Variants in TSC22D2 observed in about 807,000 individuals in gnomAD.
TSC22D2 encodes the protein TSC22 domain family protein 2.
A neutral mutation model predicts 50.1 loss-of-function variants in TSC22D2; 5 were observed. The observed-to-expected ratio is 0.10, with a 90% CI of 0.05 to 0.21. TSC22D2 has a LOEUF of 0.21. TSC22D2 is among the 10% of genes least tolerant of loss of function. The pLI is 1.00. For synonymous variants in TSC22D2, 501 were observed against 450.1 expected, an observed-to-expected ratio of 1.11 and a Z score of -1.43; for missense variants, 1,003 against 1,015.5, an observed-to-expected ratio of 0.99 and a Z score of 0.17.
At chr3:150,422,556 A>G (rs777941130) in intron 1 of TSC22D2, among the ~76,000 whole-genome samples, 1 of 152,240 alleles carries the variant, frequency 6.6e-6, no homozygotes, top group African/African-American at 2.4e-5. Context: ...TGTCAAGTCC[A>G]ACCCAGGAAA....
In TSC22D2 at chr3:150,408,931, C is replaced by A; in HGVS notation, c.-420C>A. On this transcript the variant is annotated 5_prime_UTR_variant, in exon 1 of 3. Transcript: ENST00000688009. ...CCGCCTCCTCCTCCTCCTCTTCGCC[C>A]TCCCACTCCCACCCCCAGCCAAGGC... The A allele has an allele frequency of 5.9e-6, 1 of 170,922 alleles. No individual in the cohort carries two copies. Among genetic ancestry groups the A allele is most frequent in the South Asian group, 1.3e-4 (1 of 7,474 alleles). The allele number at this position is 170,922 out of a possible 1,614,324, so 10.6% of individuals were successfully genotyped here.
chr3:150,432,075 G>T (rs1340426360), intron 1 of TSC22D2, among the ~76,000 whole-genome samples: 3 of 152,116 alleles, frequency 2.0e-5, no homozygotes, highest in African/African-American at 7.2e-5. Context: ...ATTCGAAGTG[G>T]TGTTTCACTG....
At position 150,410,340 on chromosome 3, in the gene TSC22D2, C is replaced by T. The variant is rs754768040; in HGVS notation, c.990C>T (p.Thr330=). The change falls in exon 1 of 3, where the codon ACC becomes ACT. Residue 330 remains threonine (T), a synonymous_variant. Transcript: ENST00000688009. The part of the protein sequence containing the change: ...GGQTLPPTNV[T]LAQPAMSLPP... ...AGACTCTGCCGCCGACGAATGTAAC[C>T]CTGGCGCAGCCGGCTATGTCCCTGC... is the stretch of plus-strand genomic sequence containing the variant. 2 of 1,591,200 alleles carry T rather than the reference C, an allele frequency of 1.3e-6. No homozygotes were observed. Among genetic ancestry groups the T allele is most frequent in the Admixed American group, 3.4e-5 (2 of 58,048 alleles).
Position 150,410,538 on chromosome 3 carries a change from C to G in TSC22D2, c.1188C>G (p.Pro396=). 6.4e-7 allele frequency: 1 copy of G among 1,567,616 alleles called. No individual in the cohort carries two copies. The highest frequency in any genetic ancestry group is 8.6e-7 in the Non-Finnish European group (1 of 1,158,092). The part of the protein sequence containing the change: ...AGLQPPSPAQ[P]SSTGAAASPA... The stretch of plus-strand genomic sequence containing the variant: ...TGCAGCCGCCAAGCCCCGCGCAGCC[C>G]TCGTCCACCGGCGCCGCAGCGAGCC... The change falls in exon 1 of 3, where the codon CCC becomes CCG. Residue 396 remains proline, a synonymous_variant. Transcript: ENST00000688009.
chr3:150,449,397 C>T (rs1285574734), intron 1 of TSC22D2, among the ~76,000 whole-genome samples: 2 of 152,130 alleles, frequency 1.3e-5, no homozygotes, highest in East Asian at 3.9e-4. Context: ...ATCTGCCTGC[C>T]TTCCCAAACA....
intron 1 of TSC22D2, among the ~76,000 whole-genome samples, chr3:150,426,807 T>TA (rs1425028389): frequency 6.6e-6 from 1 of 152,166 alleles, no homozygotes; most frequent in Admixed American, 6.5e-5. Flanking sequence ...AAGTTTATCC[T>TA]AAATTTTTTT....
Position 150,409,539 on chromosome 3 carries a change from C to T in TSC22D2, c.189C>T (p.Cys63=), listed in dbSNP as rs759573201. Residue 63 remains cysteine (C), a synonymous_variant, in exon 1 of 3, where the codon TGC becomes TGT. Coordinates refer to ENST00000688009, the MANE Select transcript of TSC22D2 (RefSeq NM_001303264.2). The surrounding 1 kb of genome is among the most constrained non-coding windows in gnomAD (Gnocchi z 7.4). ...RATDYGPEEV[C]ERSSSEETLN... ...CGGATTATGGCCCTGAGGAGGTCTG[C>T]GAGCGCAGCTCTTCCGAAGAGACGC... 6.2e-6 allele frequency: 10 copies of T among 1,606,204 alleles called. No homozygotes were observed. Among genetic ancestry groups the T allele is most frequent in the Non-Finnish European group, 7.7e-6 (9 of 1,173,982 alleles).
chr3:150,415,767 A>G (rs2108062791), intron 1 of TSC22D2, among the ~76,000 whole-genome samples: 1 of 152,328 alleles, frequency 6.6e-6, no homozygotes, highest in East Asian at 1.9e-4. Flanking sequence ...AGTGAGCTAT[A>G]TTATAATATT....
intron 1 of TSC22D2, among the ~76,000 whole-genome samples, chr3:150,441,242 A>G (rs762265480): frequency 6.6e-6 from 1 of 152,060 alleles, no homozygotes; most frequent in African/African-American, 2.4e-5. Context: ...TGGAATACAT[A>G]TATATTAATA....
intron 1 of TSC22D2, among the ~76,000 whole-genome samples, chr3:150,436,084 T>A (rs549262455): frequency 1.3e-5 from 2 of 152,302 alleles, no homozygotes; most frequent in East Asian, 3.9e-4. Context: ...TGACTTAAAC[T>A]CTTGAAATAT....
In TSC22D2 at chr3:150,410,769, C is replaced by T; in HGVS notation, c.1419C>T (p.Ala473=). ...GGVVQPCLGP[A]GAGQPQSVPP... The stretch of plus-strand genomic sequence containing the variant: ...TGGTGCAGCCGTGCCTCGGTCCTGC[C>T]GGGGCTGGGCAGCCCCAGTCCGTGC... Residue 473 remains alanine (A), a synonymous_variant, in exon 1 of 3, where the codon GCC becomes GCT. Transcript: ENST00000688009. 3.7e-6 allele frequency: 6 copies of T among 1,610,704 alleles called. No homozygotes were observed. Among genetic ancestry groups the T allele is most frequent in the Non-Finnish European group, 5.1e-6 (6 of 1,178,876 alleles).
chr3:150,410,970 G>T lies in TSC22D2; in HGVS notation c.1620G>T (p.Gln540His). ...CCGCGCCTCTGGCCCAGTCGCAACA[G>T]CTGAGCAGCCATACGCCAGTCAGCA... ...NVPAPLAQSQ[Q>H]LSSHTPVSRS... The change falls in exon 1 of 3, where the codon CAG (glutamine) becomes CAT (histidine). Residue 540 changes from glutamine (Q) to histidine (H), a missense_variant. Around this residue, in one of 6 missense-constraint regions of TSC22D2, gnomAD observed 696 missense variants for 647.8 expected, o/e 1.07. Transcript: ENST00000688009. The T allele has an allele frequency of 1.2e-6, 2 of 1,614,202 alleles. No individual in the cohort carries two copies. The highest frequency in any genetic ancestry group is 1.7e-6 in the Non-Finnish European group (2 of 1,180,042).
intron 1 of TSC22D2, among the ~76,000 whole-genome samples, chr3:150,454,978 C>T (rs1721142718): frequency 6.6e-6 from 1 of 151,776 alleles, no homozygotes; most frequent in Admixed American, 6.6e-5. Flanking sequence ...AAAAAAAAAC[C>T]CCAGTAATTT....
chr3:150,413,348 A>G (rs1719662657), intron 1 of TSC22D2, among the ~76,000 whole-genome samples: 1 of 152,160 alleles, frequency 6.6e-6, no homozygotes, highest in Admixed American at 6.5e-5. Context: ...TATTTTAAAC[A>G]TGACACTTCC....
rs967455323 is a variant in TSC22D2 at position 150,464,513 on chromosome 3, G to A, written c.*5877G>A. 3.3e-5 allele frequency: 5 copies of A among 152,088 alleles called. No homozygotes were observed. The highest frequency in any genetic ancestry group is 5.9e-5 in the Non-Finnish European group (4 of 68,014). 9.4% of individuals were successfully genotyped at this position (152,088 alleles called of 1,614,324 possible). ...ATGTTTGGGGATAGAAAGATGAATGGGACATGATTTGTGTGCTCCAATGAG... is the reference window on the plus strand; with the variant it reads ...ATGTTTGGGGATAGAAAGATGAATGAGACATGATTTGTGTGCTCCAATGAG... On this transcript the variant is annotated 3_prime_UTR_variant, in exon 3 of 3. Transcript: ENST00000688009.
In TSC22D2 at chr3:150,409,544, G is replaced by A; in HGVS notation, c.194G>A (p.Arg65His). The A allele has an allele frequency of 6.2e-7, 1 of 1,605,426 alleles. No individual in the cohort carries two copies. Among genetic ancestry groups the A allele is most frequent in the Non-Finnish European group, 8.5e-7 (1 of 1,173,350 alleles). Residue 65 changes from arginine (R) to histidine (H), a missense_variant, in exon 1 of 3, where the codon CGC becomes CAC. Transcript: ENST00000688009. The surrounding 1 kb of genome is among the most constrained non-coding windows in gnomAD (Gnocchi z 7.4). ...TDYGPEEVCE[R>H]SSSEETLNNV... The stretch of plus-strand genomic sequence containing the variant: ...TATGGCCCTGAGGAGGTCTGCGAGC[G>A]CAGCTCTTCCGAAGAGACGCTTAAC...
At chr3:150,434,056 G>C (rs1320423954) in intron 1 of TSC22D2, among the ~76,000 whole-genome samples, 1 of 152,172 alleles carries the variant, frequency 6.6e-6, no homozygotes, top group Non-Finnish European at 1.5e-5. Context: ...GGGCCACAGA[G>C]CGAGACTCTG....
chr3:150,415,412 C>T (rs1211389488), intron 1 of TSC22D2, among the ~76,000 whole-genome samples: 1 of 152,134 alleles, frequency 6.6e-6, no homozygotes, highest in African/African-American at 2.4e-5. Context: ...GATCACAACC[C>T]CTGAACTAAA....
chr3:150,443,794 CA>C (rs1417694270), intron 1 of TSC22D2, among the ~76,000 whole-genome samples: 2 of 152,164 alleles, frequency 1.3e-5, no homozygotes, highest in African/African-American at 4.8e-5. Context: ...CATGATTATA[CA>C]ATCAAGCTTT....
Sources: gnomAD v4.1 joint callset for allele counts (sites outside exome capture counted in the v4.1 genomes callset) on GRCh38, gnomAD v4.1.1 for gene constraint, gnomAD v4.1.1 regional missense constraint, Gnocchi (gnomAD v3.1) non-coding constraint, MANE v1.5 for transcripts, NCBI Gene and HGNC (gene_info 2026-07-23, HGNC 2026-07-21) for gene names.